The following SRCAP variants were observed in gnomAD, a reference collection of about 807,000 sequenced individuals.
The protein encoded by SRCAP is Snf2 related CREBBP activator protein, also known as chromatin remodeling protein SRCAP.
Under a neutral mutation model 263.1 loss-of-function variants are expected in SRCAP, and 46 were observed. The observed-to-expected ratio is 0.17, with a 90% CI of 0.14 to 0.22. The LOEUF is 0.22. SRCAP is among the 10% of genes least tolerant of loss of function. The probability of loss-of-function intolerance (pLI) is 1.00; values close to 1 mark genes in which losing one functional copy is unlikely to be tolerated. For synonymous variants in SRCAP, 1,813 were observed against 1,662.1 expected, an observed-to-expected ratio of 1.09 and a Z score of -2.21; for missense variants, 3,695 against 4,181.9, an observed-to-expected ratio of 0.88 and a Z score of 3.21.
intron 4 of SRCAP, among the ~76,000 whole-genome samples, chr16:30,706,476 C>G (rs572696914): frequency 6.6e-6 from 1 of 152,060 alleles, no homozygotes; most frequent in East Asian, 1.9e-4. Flanking sequence ...AGGCAGTTGT[C>G]CTGAATTTTT....
chr16:30,734,453 G>C lies in SRCAP; in HGVS notation c.6610-43G>C, dbSNP rs748703364. The C allele has an allele frequency of 2.9e-5, 47 of 1,611,872 alleles. No individual in the cohort carries two copies. In the East Asian group the frequency reaches 1.0e-3, roughly 36 times the overall value. On this transcript the variant is annotated intron_variant, in intron 30 of 33. Transcript: ENST00000262518. The stretch of plus-strand genomic sequence containing the variant: ...GCCTTACAGCTTAGACCTAAGACTA[G>C]CATTCTGTTGACTCTGACACTTCCC...
Position 30,738,847 on chromosome 16 carries a change from A to G in SRCAP, c.8807A>G (p.Lys2936Arg). The change falls in exon 34 of 34, where the codon AAA (lysine) becomes AGA (arginine). Residue 2936 changes from lysine (K) to arginine (R), a missense_variant. Physicochemically the swap from Lys to Arg is conservative, Grantham distance 26. Transcript: ENST00000262518. ...AATCCCCTCCTGTCACCTGTGGAGA[A>G]AAGAAGGCGAGGACGACCCCCTAAA... is the stretch of plus-strand genomic sequence containing the variant. ...RPNPLLSPVE[K>R]RRRGRPPKAR... is the part of the protein sequence containing the mutation. 1 of 1,614,118 alleles carries G rather than the reference A, an allele frequency of 6.2e-7. No individual in the cohort carries two copies. Among genetic ancestry groups the G allele is most frequent in the African/African-American group, 1.3e-5 (1 of 75,038 alleles).
At position 30,737,870 on chromosome 16, in the gene SRCAP, C is replaced by T. The variant is rs751674138; in HGVS notation, c.7830C>T (p.Thr2610=). 6 of 1,614,068 alleles carry T rather than the reference C, an allele frequency of 3.7e-6. No homozygotes were observed. Among genetic ancestry groups the T allele is most frequent in the East Asian group, 4.5e-5 (2 of 44,900 alleles). ...TCACCCCTTCTGCACCCAGCCTGAC[C>T]TTGGAGGCTGGCAGCATCCCCAATG... ...LSLTPSAPSL[T]LEAGSIPNGQ... The change falls in exon 34 of 34, where the codon ACC becomes ACT. Residue 2610 remains threonine, a synonymous_variant. Transcript: ENST00000262518.
In SRCAP at chr16:30,734,510, G is replaced by A; in HGVS notation, c.6624G>A (p.Glu2208=). The change falls in exon 31 of 34, where the codon GAG becomes GAA. Residue 2208 remains glutamate (E), a synonymous_variant. Transcript: ENST00000262518. The part of the protein sequence containing the change: ...TAYFKQQTIR[E]LFDMPLEEPS... ...CTATCCGATAGCAGACCATCCGAGA[G>A]CTGTTTGATATGCCCCTGGAGGAAC... is the stretch of plus-strand genomic sequence containing the variant. 6.2e-7 allele frequency: 1 copy of A among 1,613,990 alleles called. No individual in the cohort carries two copies. The highest frequency in any genetic ancestry group is 2.2e-5 in the East Asian group (1 of 44,878).
chr16:30,708,132 A>G (rs1567241104), intron 6 of SRCAP, among the ~76,000 whole-genome samples: 1 of 152,146 alleles, frequency 6.6e-6, no homozygotes, highest in Non-Finnish European at 1.5e-5. Context: ...TTTCTTTTGT[A>G]TATCTCTGTC....
intron 7 of SRCAP, 39 bp from the exon 8 acceptor site, chr16:30,709,812 A>T: frequency 6.2e-7 from 1 of 1,612,946 alleles, no homozygotes. Flanking sequence ...TGTGGCTTGC[A>T]GGGCCCGTGG....
rs746280301 is a variant in SRCAP, at chr16:30,733,829, C to T, written c.6494+31C>T. 1.2e-6 allele frequency: 2 copies of T among 1,611,500 alleles called. No homozygotes were observed. The highest frequency in any genetic ancestry group is 1.7e-4 in the Middle Eastern group (1 of 6,048). ...GCCTAGTCTTCCCTCACCTTACTTT[C>T]CGTTTACTGATGGGGTTTCCTGGAT... On this transcript the variant is annotated intron_variant, in intron 29 of 33. Coordinates refer to ENST00000262518, the MANE Select transcript of SRCAP (RefSeq NM_006662.3). This position sits in a 1 kb window ranked among gnomAD's most constrained non-coding sequence, Gnocchi z 5.3.
Position 30,723,218 on chromosome 16 carries a change from C to G in SRCAP, c.4148C>G (p.Pro1383Arg), listed in dbSNP as rs1459275785. 3.7e-6 allele frequency: 6 copies of G among 1,609,854 alleles called. No homozygotes were observed. Among genetic ancestry groups the G allele is most frequent in the Non-Finnish European group, 5.1e-6 (6 of 1,177,024 alleles). ...PLLKLVHSPS[P>R]EVSASAPGAA... ...CTCAAGCTGGTCCACAGTCCTTCACCTGAAGTCAGTGGTGAGTCCAGGTGG... is the reference window on the plus strand; with the variant it reads ...CTCAAGCTGGTCCACAGTCCTTCACGTGAAGTCAGTGGTGAGTCCAGGTGG... The change falls in exon 24 of 34, where the codon CCT becomes CGT. Residue 1383 changes from proline (P) to arginine (R), a missense_variant. Transcript: ENST00000262518.
rs772410409 is a variant in SRCAP at position 30,707,729 on chromosome 16, A to G, written c.633+17A>G. On this transcript the variant is annotated intron_variant, in intron 6 of 33. Coordinates refer to ENST00000262518, the MANE Select transcript of SRCAP (RefSeq NM_006662.3). Reference sequence around the variant, plus strand: ...GTGGAGAAGGTAGACAGTGGGGATCAGGAAAGGAAAATGGCCTTGGATTAG... The same window carrying G: ...GTGGAGAAGGTAGACAGTGGGGATCGGGAAAGGAAAATGGCCTTGGATTAG... The G allele has an allele frequency of 1.2e-6, 2 of 1,613,726 alleles. No individual in the cohort carries two copies. Among genetic ancestry groups the G allele is most frequent in the Non-Finnish European group, 1.7e-6 (2 of 1,179,772 alleles).
At position 30,707,317 on chromosome 16, in the gene SRCAP, C is replaced by T; in HGVS notation, c.441C>T (p.Leu147=). 2 of 1,614,210 alleles carry T rather than the reference C, an allele frequency of 1.2e-6. No individual in the cohort carries two copies. The highest frequency in any genetic ancestry group is 1.6e-4 in the Middle Eastern group (1 of 6,062). Residue 147 remains leucine, a synonymous_variant, in exon 5 of 34, where the codon CTC becomes CTT. Coordinates refer to ENST00000262518, the MANE Select transcript of SRCAP (RefSeq NM_006662.3). ...ATTTGTGCGAAGAGATGCAGTGGCT[C>T]TCTGCTGACTTTGCTCAGGAGCGCC... is the stretch of plus-strand genomic sequence containing the variant. The part of the protein sequence containing the change: ...WDYLCEEMQW[L]SADFAQERRW...
intron 31 of SRCAP, among the ~76,000 whole-genome samples, chr16:30,734,818 G>A (rs1393528602): frequency 1.3e-5 from 2 of 152,170 alleles, no homozygotes; most frequent in Non-Finnish European, 2.9e-5. Context: ...GGAGTCTTTA[G>A]TTTTAGGTTT....
Position 30,711,763 on chromosome 16 carries a change from A to G in SRCAP, c.1492+19A>G. The G allele has an allele frequency of 3.1e-6, 5 of 1,610,920 alleles. No homozygotes were observed. Among genetic ancestry groups the G allele is most frequent in the Non-Finnish European group, 3.4e-6 (4 of 1,177,662 alleles). On this transcript the variant is annotated intron_variant, in intron 11 of 33. Coordinates refer to ENST00000262518, the MANE Select transcript of SRCAP (RefSeq NM_006662.3). Reference sequence around the variant, plus strand: ...CAGTCAGGTGAATATGTGGTCATGAAGCAGGAGCTGGGGAGGGTGGCCATT... The same window carrying G: ...CAGTCAGGTGAATATGTGGTCATGAGGCAGGAGCTGGGGAGGGTGGCCATT...
In SRCAP at chr16:30,736,336, G is replaced by T. The variant is rs1596666741; in HGVS notation, c.6866G>T (p.Gly2289Val). The change falls in exon 32 of 34, where the codon GGG (glycine) becomes GTG (valine). Residue 2289 changes from glycine to valine, a missense_variant. Transcript: ENST00000262518. ...GAGGGAGAGGAAGCTGGCCGGCCTGGGGCTGAGGATGAGGAGATGTCCCGG... is the reference window on the plus strand; with the variant it reads ...GAGGGAGAGGAAGCTGGCCGGCCTGTGGCTGAGGATGAGGAGATGTCCCGG... ...AGEGEEAGRP[G>V]AEDEEMSRAE... The T allele has an allele frequency of 2.5e-6, 4 of 1,614,074 alleles. No individual in the cohort carries two copies. The African/African-American group carries it at 5.3e-5, about 22-fold the overall frequency.
intron 16 of SRCAP, among the ~76,000 whole-genome samples, chr16:30,715,799 C>T (rs192226718): frequency 1.3e-5 from 2 of 152,256 alleles, no homozygotes; most frequent in East Asian, 3.9e-4. Context: ...AACAATTACT[C>T]CTCAAAATCT....
At chr16:30,703,088 G>C (rs961958729) in intron 3 of SRCAP, among the ~76,000 whole-genome samples, 5 of 151,752 alleles carry the variant, frequency 3.3e-5, no homozygotes, top group Admixed American at 3.3e-4. Flanking sequence ...GGTAAATAGG[G>C]AGTTGTTTAT....
rs770648545 is a variant in SRCAP at position 30,711,887 on chromosome 16, A to G, written c.1545A>G (p.Glu515=). 5.2e-5 allele frequency: 84 copies of G among 1,613,762 alleles called. No individual in the cohort carries two copies. Among genetic ancestry groups the G allele is most frequent in the Non-Finnish European group, 7.1e-5 (84 of 1,180,022 alleles). The change falls in exon 12 of 34, where the codon GAA becomes GAG. Residue 515 remains glutamate (E), a synonymous_variant. Coordinates refer to ENST00000262518, the MANE Select transcript of SRCAP (RefSeq NM_006662.3). ...AGGAAGATGAACATTCAGAGGAGGA[A>G]GAAACAAGTGGAAGTTCAGCATCAG... is the stretch of plus-strand genomic sequence containing the variant. The part of the protein sequence containing the change: ...EDEEDEHSEE[E]ETSGSSASEE...
chr16:30,709,434 A>C, intron 6 of SRCAP, 79 bp from the exon 7 acceptor site: 1 of 1,484,910 alleles, frequency 6.7e-7, no homozygotes, highest in Non-Finnish European at 9.4e-7. Flanking sequence ...TGGTTAAAGA[A>C]GGTCTCCCTA....
Position 30,724,552 on chromosome 16 carries a change from C to G in SRCAP, c.5128C>G (p.Pro1710Ala). The G allele has an allele frequency of 6.2e-7, 1 of 1,614,212 alleles. No homozygotes were observed. The highest frequency in any genetic ancestry group is 8.5e-7 in the Non-Finnish European group (1 of 1,180,038). ...LSLGTGNPQG[P>A]FPTQTLSLTP... ...TTTGGGAACGGGGAACCCCCAGGGA[C>G]CCTTTCCAACTCAGACATTGTCATT... Residue 1710 changes from proline to alanine, a missense_variant, in exon 25 of 34, where the codon CCC becomes GCC. Coordinates refer to ENST00000262518, the MANE Select transcript of SRCAP (RefSeq NM_006662.3).
At chr16:30,702,715 T>C (rs1193566141) in intron 3 of SRCAP, among the ~76,000 whole-genome samples, 1 of 147,634 alleles carries the variant, frequency 6.8e-6, no homozygotes, top group African/African-American at 2.5e-5. Flanking sequence ...CAAGCAATTC[T>C]CTGCCTCAGA....
Sources: allele counts gnomAD v4.1 joint callset (sites outside exome capture counted in the v4.1 genomes callset), GRCh38; gene constraint gnomAD v4.1.1; non-coding constraint Gnocchi (gnomAD v3.1); transcripts MANE v1.5; gene names NCBI Gene and HGNC (gene_info 2026-07-23, HGNC 2026-07-21).